The following CLVS1 variants were observed in gnomAD, a reference collection of about 807,000 sequenced individuals.
CLVS1 encodes clavesin 1.
A neutral mutation model predicts 33.1 loss-of-function variants in CLVS1; 10 were observed. That is an observed-to-expected ratio of 0.30 (90% CI 0.19 to 0.51). The LOEUF is 0.51. CLVS1 is among the 20% of genes least tolerant of loss of function. The pLI, the probability that CLVS1 is intolerant of heterozygous loss-of-function variation, is 0.97. For synonymous variants in CLVS1, 163 were observed against 166.1 expected (o/e 0.98, Z 0.14); for missense variants, 343 against 433.4 (o/e 0.79, Z 1.85).
intron 2 of CLVS1, among the ~76,000 whole-genome samples, chr8:61,236,190 G>T (rs886250786): frequency 2.0e-5 from 3 of 152,154 alleles, no homozygotes; most frequent in Admixed American, 6.5e-5. Context: ...CAGGGCCAAG[G>T]GTAGAGAAAG....
chr8:61,260,308 C>T (rs1055388741), intron 2 of CLVS1, among the ~76,000 whole-genome samples: 4 of 152,182 alleles, frequency 2.6e-5, no homozygotes, highest in Non-Finnish European at 5.9e-5. Flanking sequence ...GTGCCCTTAA[C>T]TACGTCTATA....
chr8:61,312,722 G>A (rs780081980), intron 2 of CLVS1, among the ~76,000 whole-genome samples: 1 of 152,154 alleles, frequency 6.6e-6, no homozygotes, highest in African/African-American at 2.4e-5. Context: ...ATTTATGAAG[G>A]AGATGTTGTT....
At chr8:61,207,606 C>T (rs370822699) in intron 2 of CLVS1, among the ~76,000 whole-genome samples, 2 of 152,302 alleles carry the variant, frequency 1.3e-5, no homozygotes, top group African/African-American at 4.8e-5. Flanking sequence ...CATCGTACCA[C>T]AATTTTACAG....
intron 3 of CLVS1, among the ~76,000 whole-genome samples, chr8:61,394,079 G>T (rs936829879): frequency 9.2e-5 from 14 of 152,178 alleles, no homozygotes; most frequent in African/African-American, 3.4e-4. Context: ...TGGCACGGTG[G>T]CTCACGCCTC....
rs1292747857 is a variant in CLVS1, at chr8:61,059,471, C to CATATATATATAT, written c.-243+2244_-243+2245insTATATATATATA. Among the ~76,000 whole-genome samples the CATATATATATAT allele has an allele frequency of 2.7e-3, 63 of 22,954 alleles. 1 individual carries two copies. The highest frequency in any genetic ancestry group is 6.9e-3 in the African/African-American group (42 of 6,062). The allele number at this position is 22,954 out of a possible 152,430, so 15.1% of individuals were successfully genotyped here. On this transcript the variant is annotated intron_variant, in intron 1 of 2. Coordinates refer to the CLVS1 transcript ENST00000522621. ...ATATACACACACATATACATACATA[C>CATATATATATAT]ATACATATATATATATATATATATA...
the CLVS1 span, among the ~76,000 whole-genome samples, chr8:60,982,559 G>A: frequency 6.6e-6 from 1 of 152,136 alleles, no homozygotes; most frequent in African/African-American, 2.4e-5. Context: ...CTTTAGGTCA[G>A]GATCTTGGTG....
chr8:61,146,261 T>C (rs1426415736), intron 2 of CLVS1, among the ~76,000 whole-genome samples: 2 of 152,234 alleles, frequency 1.3e-5, no homozygotes. Flanking sequence ...TATGTCACTC[T>C]AAGTCAAGGA....
chr8:61,191,110 G>A (rs998744334), intron 2 of CLVS1, among the ~76,000 whole-genome samples: 3 of 152,096 alleles, frequency 2.0e-5, no homozygotes, highest in Non-Finnish European at 4.4e-5. Flanking sequence ...GATGAACATC[G>A]ATGCAAAAAT....
At chr8:61,070,861 T>C (rs562990248) in intron 1 of CLVS1, among the ~76,000 whole-genome samples, 1 of 152,236 alleles carries the variant, frequency 6.6e-6, no homozygotes, top group African/African-American at 2.4e-5. Flanking sequence ...AAAAAAGAAA[T>C]AGAGACTTGA....
intron 2 of CLVS1, among the ~76,000 whole-genome samples, chr8:61,185,486 C>T (rs547455789): frequency 9.9e-5 from 15 of 152,120 alleles, no homozygotes; most frequent in East Asian, 1.9e-4. Context: ...TACTGTATCA[C>T]GTCTTACAAA....
intron 2 of CLVS1, among the ~76,000 whole-genome samples, chr8:61,191,923 A>G (rs1230952121): frequency 6.6e-6 from 1 of 152,236 alleles, no homozygotes; most frequent in Non-Finnish European, 1.5e-5. Flanking sequence ...GATAGGAAGA[A>G]TCAATATTGT....
At chr8:61,134,892 G>C (rs78076205) in intron 2 of CLVS1, among the ~76,000 whole-genome samples, 5,903 of 152,154 alleles carry the variant, frequency 0.039, 158 homozygotes, top group Non-Finnish European at 0.061. Flanking sequence ...TCTTTGCTGG[G>C]GGGGTGGGTA....
chr8:61,448,900 G>A (rs1816854065), intron 3 of CLVS1, among the ~76,000 whole-genome samples: 1 of 152,114 alleles, frequency 6.6e-6, no homozygotes, highest in African/African-American at 2.4e-5. Flanking sequence ...ATCTGGTGTT[G>A]TCCTCTATTG....
In CLVS1 at chr8:61,500,966, A is replaced by AATG. The variant is rs1804787918; in HGVS notation, c.*1425_*1427dup. ...ACATCATCTCTTTCTCAATGGATCTAATGTTTTAATTTTTTCCCCTATTGG... is the reference window on the plus strand; with the variant it reads ...ACATCATCTCTTTCTCAATGGATCTAATGATGTTTTAATTTTTTCCCCTATTGG... On this transcript the variant is annotated 3_prime_UTR_variant, in exon 6 of 6. Transcript: ENST00000325897. 6.6e-6 allele frequency: 1 copy of AATG among 152,210 alleles called. No homozygotes were observed. The highest frequency in any genetic ancestry group is 2.4e-5 in the African/African-American group (1 of 41,458). 9.4% of individuals were successfully genotyped at this position (152,210 alleles called of 1,614,324 possible).
At chr8:61,458,732 T>C in intron 5 of CLVS1, 190 bp downstream of exon 5, 1 of 507,750 alleles carries the variant, frequency 2.0e-6, no homozygotes, top group African/African-American at 1.9e-5. Flanking sequence ...AGCACTATAG[T>C]TGTCCCCATT....
chr8:61,334,425 T>C (rs901925957), intron 2 of CLVS1, among the ~76,000 whole-genome samples: 1 of 152,224 alleles, frequency 6.6e-6, no homozygotes, highest in Non-Finnish European at 1.5e-5. Flanking sequence ...AGAGGGCCTC[T>C]GTGTCTTCTC....
At chr8:61,407,354 T>G (rs753333324) in intron 3 of CLVS1, among the ~76,000 whole-genome samples, 5 of 152,240 alleles carry the variant, frequency 3.3e-5, no homozygotes, top group African/African-American at 4.8e-5. Flanking sequence ...TTAAACCTCA[T>G]TAAAAAGCAC....
intron 2 of CLVS1, among the ~76,000 whole-genome samples, chr8:61,175,114 C>T (rs1807089938): frequency 6.6e-6 from 1 of 152,178 alleles, no homozygotes; most frequent in Non-Finnish European, 1.5e-5. Context: ...CCAAAAGAAA[C>T]ATATTGAGAT....
intron 2 of CLVS1, among the ~76,000 whole-genome samples, chr8:61,332,264 CCT>C (rs751085208): frequency 1.5e-4 from 23 of 152,266 alleles, no homozygotes; most frequent in Non-Finnish European, 3.2e-4. Flanking sequence ...CATCCTGAAG[CCT>C]CTCTTTTCCA....
Sources: allele counts gnomAD v4.1 joint callset (sites outside exome capture counted in the v4.1 genomes callset), GRCh38; gene constraint gnomAD v4.1.1; transcripts MANE v1.5; gene names NCBI Gene and HGNC (gene_info 2026-07-23, HGNC 2026-07-21).